ATP13A5: variants seen among roughly 807,000 people sequenced by gnomAD.
ATP13A5 encodes the protein probable cation-transporting ATPase 13A5.
In ATP13A5, 149 loss-of-function variants were observed where a neutral mutation model predicts 150.2. The observed-to-expected ratio is 0.99, with a 90% CI of 0.87 to 1.14. The LOEUF is 1.14. Ranked by LOEUF, ATP13A5 falls within the 50% of genes most tolerant of loss-of-function variation. The pLI is 0.00. For synonymous variants in ATP13A5, 497 were observed against 522.2 expected (o/e 0.95, Z 0.66); for missense variants, 1,383 against 1,449.3 (o/e 0.95, Z 0.74).
At chr3:193,294,265 C>T (rs183827193) in intron 25 of ATP13A5, among the ~76,000 whole-genome samples, 7 of 152,156 alleles carry the variant, frequency 4.6e-5, no homozygotes, top group Admixed American at 3.9e-4. Flanking sequence ...TCTAGTCATC[C>T]TCAGATCCAG....
At chr3:193,290,115 T>C (rs574024186) in intron 25 of ATP13A5, 56 bp from the exon 26 acceptor site, 2 of 1,486,842 alleles carry the variant, frequency 1.3e-6, no homozygotes, top group South Asian at 1.4e-5. Flanking sequence ...GAATAAAAGG[T>C]TGAGATTGAG....
intron 17 of ATP13A5, among the ~76,000 whole-genome samples, chr3:193,316,463 TTCTC>T (rs1339513956): frequency 2.0e-5 from 3 of 152,188 alleles, no homozygotes; most frequent in Admixed American, 6.5e-5. Context: ...AGGTTCTAAT[TTCTC>T]TATATCCTTG....
At chr3:193,306,882 T>C (rs1718638915) in intron 22 of ATP13A5, among the ~76,000 whole-genome samples, 1 of 152,158 alleles carries the variant, frequency 6.6e-6, no homozygotes, top group South Asian at 2.1e-4. Context: ...GAATGAAAGT[T>C]TGGCAGGAAT....
chr3:193,353,196 C>G (rs1039058112), intron 6 of ATP13A5, among the ~76,000 whole-genome samples: 5 of 151,812 alleles, frequency 3.3e-5, no homozygotes, highest in Non-Finnish European at 7.4e-5. Flanking sequence ...AGGACAAGCA[C>G]CCAAACCTTC....
At chr3:193,358,208 A>G (rs1358210296) in intron 5 of ATP13A5, among the ~76,000 whole-genome samples, 1 of 152,198 alleles carries the variant, frequency 6.6e-6, no homozygotes, top group African/African-American at 2.4e-5. Context: ...ATACAATGTC[A>G]AGCCAGGAGA....
chr3:193,313,983 T>G (rs183840426), intron 19 of ATP13A5, 50 bp downstream of exon 19: 1 of 1,596,838 alleles, frequency 6.3e-7, no homozygotes, highest in Non-Finnish European at 8.6e-7. Context: ...GTGCCAGGAC[T>G]GTATTCCATC....
chr3:193,315,168 T>C, intron 17 of ATP13A5, 72 bp from the exon 18 acceptor site: 1 of 1,458,506 alleles, frequency 6.9e-7, no homozygotes, highest in Non-Finnish European at 9.2e-7. Context: ...ATTTCTTCTT[T>C]TAAAAATTTA....
intron 23 of ATP13A5, among the ~76,000 whole-genome samples, chr3:193,302,336 T>C (rs1199458815): frequency 6.6e-6 from 1 of 152,216 alleles, no homozygotes; most frequent in Admixed American, 6.5e-5. Context: ...TGCTGTCGTT[T>C]GTTTTCAACA....
At chr3:193,362,898 G>A (rs571758339) in intron 3 of ATP13A5, among the ~76,000 whole-genome samples, 18 of 151,912 alleles carry the variant, frequency 1.2e-4, no homozygotes, top group Non-Finnish European at 2.2e-4. Context: ...AGGTTCAATC[G>A]ATCCTCCTGC....
intron 2 of ATP13A5, 144 bp from the exon 3 acceptor site, chr3:193,363,526 CTCAGCCCCACT>C: frequency 1.4e-6 from 1 of 721,172 alleles, no homozygotes; most frequent in Admixed American, 3.2e-5. Flanking sequence ...AATGCAAATT[CTCAGCCCCACT>C]TCAGACCTAC....
chr3:193,315,346 T>A lies in ATP13A5; in HGVS notation c.2034-250A>T, dbSNP rs12634728. Among the ~76,000 whole-genome samples the A allele has an allele frequency of 1.9e-3, 286 of 152,302 alleles. 9 individuals are homozygous for A. In the East Asian group the frequency reaches 0.051, roughly 27 times the overall value. ...TTTCCAACTTTATTTTTAAAAACAA[T>A]GTGCTTATCTTCCAACTCTTCTGTT... On this transcript the variant is annotated intron_variant, in intron 17 of 29. Coordinates refer to ENST00000342358, the MANE Select transcript of ATP13A5 (RefSeq NM_198505.4).
At chr3:193,295,624 G>A (rs138906530) in intron 25 of ATP13A5, among the ~76,000 whole-genome samples, 24 of 152,232 alleles carry the variant, frequency 1.6e-4, no homozygotes. Flanking sequence ...ATAAGGGAAT[G>A]TTGAATGGTG....
Position 193,371,676 on chromosome 3 carries a change from C to A in ATP13A5, c.63+6987G>T, listed in dbSNP as rs75201059. On this transcript the variant is annotated intron_variant, in intron 1 of 29. Transcript: ENST00000342358. ...CAGTCTTAGCAACCACTCCTTACCA[C>A]AGGGCATCTTCCATCTTCAAAAATG... Among the ~76,000 whole-genome samples, 488 of 152,306 alleles carry A rather than the reference C, an allele frequency of 3.2e-3. 4 individuals are homozygous for A. The highest frequency in any genetic ancestry group is 0.011 in the African/African-American group (455 of 41,568).
At chr3:193,337,076 A>T (rs1711900758) in intron 9 of ATP13A5, among the ~76,000 whole-genome samples, 1 of 151,834 alleles carries the variant, frequency 6.6e-6, no homozygotes, top group South Asian at 2.1e-4. Context: ...CCACTTTTTG[A>T]TGGGGTTGTT....
At chr3:193,284,001 C>G (rs1352890821) in intron 27 of ATP13A5, among the ~76,000 whole-genome samples, 1 of 100,206 alleles carries the variant, frequency 1.0e-5, no homozygotes, top group Non-Finnish European at 2.0e-5. Flanking sequence ...GCTTCTTTGG[C>G]CTGCGGATTA....
At chr3:193,343,530 C>T (rs959345750) in intron 9 of ATP13A5, among the ~76,000 whole-genome samples, 2 of 152,146 alleles carry the variant, frequency 1.3e-5, no homozygotes, top group African/African-American at 4.8e-5. Context: ...ACCTCTATGG[C>T]CTTCCAATTG....
At chr3:193,300,579 A>ATTT (rs1718360114) in intron 24 of ATP13A5, among the ~76,000 whole-genome samples, 1 of 152,130 alleles carries the variant, frequency 6.6e-6, no homozygotes, top group African/African-American at 2.4e-5. Context: ...CTGTTGGATC[A>ATTT]TTTTACTGTA....
intron 7 of ATP13A5, among the ~76,000 whole-genome samples, chr3:193,350,414 G>T (rs1444039204): frequency 6.6e-6 from 1 of 152,050 alleles, no homozygotes; most frequent in Non-Finnish European, 1.5e-5. Context: ...TGGATATTTT[G>T]ATTTAATAAG....
At chr3:193,374,776 T>C (rs938751859) in intron 1 of ATP13A5, among the ~76,000 whole-genome samples, 1 of 152,168 alleles carries the variant, frequency 6.6e-6, no homozygotes, top group Non-Finnish European at 1.5e-5. Flanking sequence ...GTTCTTGCGC[T>C]GGGAGGTGGG....
Sources: allele counts gnomAD v4.1 joint callset (sites outside exome capture counted in the v4.1 genomes callset), GRCh38; gene constraint gnomAD v4.1.1; transcripts MANE v1.5; gene names NCBI Gene and HGNC (gene_info 2026-07-23, HGNC 2026-07-21).